The following CACNB4 variants were observed in gnomAD, a reference collection of about 807,000 sequenced individuals.
CACNB4 encodes voltage-dependent L-type calcium channel subunit beta-4.
In CACNB4, 32 loss-of-function variants were observed where a neutral mutation model predicts 71.2. The ratio of observed to expected loss-of-function variants is 0.45; its 90% confidence interval spans 0.34 to 0.60. The LOEUF is 0.60. Among genes scored for constraint, CACNB4 ranks in the 20% least tolerant of loss-of-function variants. The pLI is 0.01. For missense variants in CACNB4, 464 were observed against 647.9 expected (o/e 0.72, Z 3.08); for synonymous variants, 231 against 236.9 (o/e 0.97, Z 0.23).
chr2:152,028,762 G>A (rs1017273853), intron 2 of CACNB4, among the ~76,000 whole-genome samples: 2 of 152,186 alleles, frequency 1.3e-5, no homozygotes, highest in African/African-American at 4.8e-5. Context: ...TGCATACAGT[G>A]TTTAAAATCT....
At chr2:151,860,583 C>T in intron 10 of CACNB4, 128 bp downstream of exon 10, 1 of 706,260 alleles carries the variant, frequency 1.4e-6, no homozygotes, top group South Asian at 1.6e-5. Flanking sequence ...AGCTAGCATT[C>T]TTTTTAGGTA....
intron 10 of CACNB4, chr2:151,859,585 A>G (rs2099841137): frequency 6.6e-6 from 1 of 152,220 alleles, no homozygotes; most frequent in Admixed American, 6.5e-5. Context: ...CTTCAAGGTC[A>G]AAATACTGTG....
At chr2:151,886,072 CA>C (rs2099849285) in intron 2 of CACNB4, among the ~76,000 whole-genome samples, 2 of 152,142 alleles carry the variant, frequency 1.3e-5, no homozygotes, top group Admixed American at 1.3e-4. Context: ...CTCGGCCTCC[CA>C]AAGTGCTGGG....
At chr2:152,017,044 G>A (rs1683386148) in intron 2 of CACNB4, among the ~76,000 whole-genome samples, 1 of 150,242 alleles carries the variant, frequency 6.7e-6, no homozygotes, top group South Asian at 2.1e-4. Flanking sequence ...TTAACCACTA[G>A]GCTTCCTTCT....
chr2:152,079,405 G>A (rs1209261070), intron 2 of CACNB4, among the ~76,000 whole-genome samples: 1 of 152,000 alleles, frequency 6.6e-6, no homozygotes, highest in Admixed American at 6.6e-5. Flanking sequence ...TGTTGTTGTT[G>A]TTATTGTTTT....
chr2:152,033,042 A>T (rs1684374695), intron 2 of CACNB4, among the ~76,000 whole-genome samples: 1 of 152,254 alleles, frequency 6.6e-6, no homozygotes, highest in Non-Finnish European at 1.5e-5. Context: ...CTTCAGGCCT[A>T]AGTGAGGCAG....
intron 2 of CACNB4, among the ~76,000 whole-genome samples, chr2:152,006,210 T>C (rs1311327098): frequency 2.0e-5 from 3 of 152,058 alleles, no homozygotes; most frequent in East Asian, 1.9e-4. Flanking sequence ...GTGGCCCACA[T>C]TGCCCAGGAT....
At chr2:152,008,246 T>A (rs546601234) in intron 2 of CACNB4, among the ~76,000 whole-genome samples, 1 of 152,206 alleles carries the variant, frequency 6.6e-6, no homozygotes, top group South Asian at 2.1e-4. Context: ...ATTGTCTTCA[T>A]CTCCATTTTG....
At chr2:151,972,069 CAAAAAAA>C (rs56104858) in intron 2 of CACNB4, 18 of 110,810 alleles carry the variant, frequency 1.6e-4, no homozygotes, top group Middle Eastern at 3.9e-3. Flanking sequence ...GACCCAAAGG[CAAAAAAA>C]AAAAAAAAAA....
chr2:152,053,678 C>G (rs1156454793), intron 2 of CACNB4, among the ~76,000 whole-genome samples: 1 of 152,052 alleles, frequency 6.6e-6, no homozygotes, highest in Non-Finnish European at 1.5e-5. Context: ...CACATGCTAC[C>G]ATGCTCAGCT....
intron 2 of CACNB4, among the ~76,000 whole-genome samples, chr2:151,921,091 C>T (rs1315435896): frequency 1.3e-5 from 2 of 151,306 alleles, no homozygotes; most frequent in Non-Finnish European, 2.9e-5. Flanking sequence ...GAGCCAAGAT[C>T]GTGCCACTGC....
chr2:152,070,639 A>G (rs573223508), intron 2 of CACNB4, among the ~76,000 whole-genome samples: 2 of 152,370 alleles, frequency 1.3e-5, no homozygotes, highest in African/African-American at 2.4e-5. Context: ...AGTGTAGTAC[A>G]TAATCTGATT....
At chr2:152,028,090 T>G (rs568521354) in intron 2 of CACNB4, among the ~76,000 whole-genome samples, 1 of 152,166 alleles carries the variant, frequency 6.6e-6, no homozygotes, top group East Asian at 1.9e-4. Flanking sequence ...AAGACAAGGA[T>G]CGCCTGAGCA....
chr2:151,983,094 G>A (rs577609664), intron 2 of CACNB4, among the ~76,000 whole-genome samples: 3 of 152,162 alleles, frequency 2.0e-5, no homozygotes, highest in Admixed American at 1.3e-4. Context: ...ATGTTAGCCT[G>A]CTTACTTTCT....
At chr2:152,022,559 G>T (rs1214541031) in intron 2 of CACNB4, among the ~76,000 whole-genome samples, 4 of 152,156 alleles carry the variant, frequency 2.6e-5, no homozygotes, top group Admixed American at 2.6e-4. Flanking sequence ...AGAGATACCA[G>T]CATGTCACAG....
intron 9 of CACNB4, among the ~76,000 whole-genome samples, chr2:151,863,925 T>C (rs147365047): frequency 3.3e-5 from 5 of 152,260 alleles, no homozygotes; most frequent in African/African-American, 1.2e-4. Flanking sequence ...TAAGACAAAA[T>C]AGGAGTTTCC....
intron 2 of CACNB4, among the ~76,000 whole-genome samples, chr2:151,993,708 G>A (rs1681858601): frequency 6.6e-6 from 1 of 151,888 alleles, no homozygotes; most frequent in Non-Finnish European, 1.5e-5. Flanking sequence ...GGGAGTACAG[G>A]TGTGTGCCAC....
chr2:152,002,264 A>AAC lies in CACNB4; in HGVS notation c.147+96064_147+96065dup, dbSNP rs202194307. ...TGTCCTCTTTCGTCCTCTTACTTGA[A>AAC]ACACACACACACATACATATACACA... On this transcript the variant is annotated intron_variant, in intron 2 of 13. Transcript: ENST00000539935. Among the ~76,000 whole-genome samples the AAC allele has an allele frequency of 4.6e-3, 697 of 152,240 alleles. 8 individuals carry two copies. The highest frequency in any genetic ancestry group is 0.016 in the African/African-American group (667 of 41,536).
intron 2 of CACNB4, among the ~76,000 whole-genome samples, chr2:151,977,817 G>A (rs1489340521): frequency 6.6e-6 from 1 of 152,182 alleles, no homozygotes; most frequent in Non-Finnish European, 1.5e-5. Context: ...ATAATGTTGG[G>A]ACTCAGCCAA....
Sources: allele counts gnomAD v4.1 joint callset (sites outside exome capture counted in the v4.1 genomes callset), GRCh38; gene constraint gnomAD v4.1.1; transcripts MANE v1.5; gene names NCBI Gene and HGNC (gene_info 2026-07-23, HGNC 2026-07-21).